MAP3K5: variants seen among roughly 807,000 people sequenced by gnomAD.
The protein encoded by MAP3K5 is mitogen-activated protein kinase kinase kinase 5.
In MAP3K5, 56 loss-of-function variants were observed where a neutral mutation model predicts 158.7. The observed-to-expected ratio is 0.35, with a 90% CI of 0.28 to 0.44. The LOEUF is 0.44. MAP3K5 is among the 20% of genes least tolerant of loss of function. The pLI, the probability that MAP3K5 is intolerant of heterozygous loss-of-function variation, is 1.00. For missense variants in MAP3K5, 1,294 were observed against 1,674.8 expected, an observed-to-expected ratio of 0.77 and a Z score of 3.97; for synonymous variants, 579 against 601.7, an observed-to-expected ratio of 0.96 and a Z score of 0.55.
At chr6:136,760,436 G>T (rs1783697945) in intron 1 of MAP3K5, among the ~76,000 whole-genome samples, 1 of 152,158 alleles carries the variant, frequency 6.6e-6, no homozygotes, top group Non-Finnish European at 1.5e-5. Context: ...GCTCTTACAT[G>T]AGGTATTATT....
intron 8 of MAP3K5, among the ~76,000 whole-genome samples, chr6:136,662,128 T>C (rs1420675708): frequency 2.0e-5 from 3 of 152,264 alleles, no homozygotes; most frequent in Admixed American, 2.0e-4. Context: ...AATACAGTTC[T>C]AAACGTGGAT....
At chr6:136,732,816 A>G (rs1782285873) in intron 1 of MAP3K5, among the ~76,000 whole-genome samples, 1 of 152,224 alleles carries the variant, frequency 6.6e-6, no homozygotes, top group African/African-American at 2.4e-5. Context: ...TTGAACTCTT[A>G]TCTGCCTACA....
At chr6:136,728,761 T>C (rs569535867) in intron 1 of MAP3K5, among the ~76,000 whole-genome samples, 23 of 152,338 alleles carry the variant, frequency 1.5e-4, no homozygotes, top group African/African-American at 5.1e-4. Flanking sequence ...ATTTTCTTAT[T>C]TGGTGACATT....
At chr6:136,568,857 C>CAAA (rs60185973) in intron 25 of MAP3K5, among the ~76,000 whole-genome samples, 7 of 45,908 alleles carry the variant, frequency 1.5e-4, no homozygotes, top group Admixed American at 4.9e-4. Context: ...GAGTCTGTCT[C>CAAA]AAAAAAAAAA....
chr6:136,758,458 G>A (rs1783602294), intron 1 of MAP3K5, among the ~76,000 whole-genome samples: 2 of 152,160 alleles, frequency 1.3e-5, no homozygotes, highest in Non-Finnish European at 2.9e-5. Context: ...ATTCTTCCAG[G>A]ACTTCAAATT....
chr6:136,568,785 G>A (rs1268836689), intron 25 of MAP3K5, among the ~76,000 whole-genome samples: 1 of 149,990 alleles, frequency 6.7e-6, no homozygotes, highest in Non-Finnish European at 1.5e-5. Context: ...TTGAACCCAG[G>A]AGGCAGAGGT....
At chr6:136,656,046 A>C in intron 10 of MAP3K5, 2 of 411,222 alleles carry the variant, frequency 4.9e-6, no homozygotes, top group Non-Finnish European at 9.0e-6. Context: ...TGCATTGCTT[A>C]GGAAGTACAC....
chr6:136,592,603 T>C lies in MAP3K5; in HGVS notation c.2890A>G (p.Ser964Gly). 1 of 1,613,468 alleles carries C rather than the reference T, an allele frequency of 6.2e-7. No homozygotes were observed. The highest frequency in any genetic ancestry group is 8.5e-7 in the Non-Finnish European group (1 of 1,179,564). ...LSAGSNEYLR[S>G]ISLPVPVLVE... ...AGCACAGGTACCGGCAAGGATATAC[T>C]CCTGAGATATTCTGCTTGTGATGAG... The change falls in exon 22 of 30, where the codon AGT becomes GGT. Residue 964 changes from serine (S) to glycine (G), a missense_variant. By Grantham distance (56) the Ser-to-Gly change is moderately conservative (BLOSUM62 0). Transcript: ENST00000359015.
intron 7 of MAP3K5, among the ~76,000 whole-genome samples, chr6:136,680,170 G>A (rs546831655): frequency 2.0e-5 from 3 of 152,174 alleles, no homozygotes; most frequent in South Asian, 4.1e-4. Context: ...TGGTGCCCAG[G>A]GCCGGCGGAA....
intron 5 of MAP3K5, among the ~76,000 whole-genome samples, chr6:136,696,796 G>T (rs186378895): frequency 2.0e-5 from 3 of 152,016 alleles, no homozygotes; most frequent in African/African-American, 7.3e-5. Flanking sequence ...TCCTTCAGGC[G>T]AGTTAGATTC....
At chr6:136,569,289 T>C (rs982048641) in intron 25 of MAP3K5, among the ~76,000 whole-genome samples, 3 of 152,224 alleles carry the variant, frequency 2.0e-5, no homozygotes, top group African/African-American at 7.2e-5. Context: ...GAGAATCCCC[T>C]TCCCTTTCCA....
intron 23 of MAP3K5, among the ~76,000 whole-genome samples, chr6:136,589,566 T>TA (rs1775292807): frequency 6.6e-6 from 1 of 152,126 alleles, no homozygotes. Context: ...TCCAAATTCG[T>TA]ATGTTGAAGC....
chr6:136,668,001 A>T (rs1224270301), intron 8 of MAP3K5, among the ~76,000 whole-genome samples: 4 of 152,294 alleles, frequency 2.6e-5, no homozygotes, highest in South Asian at 4.2e-4. Flanking sequence ...ATTCTCCAGA[A>T]CATTACATAA....
intron 13 of MAP3K5, among the ~76,000 whole-genome samples, chr6:136,638,509 T>C (rs540161719): frequency 2.4e-4 from 37 of 152,356 alleles, no homozygotes; most frequent in African/African-American, 8.7e-4. Flanking sequence ...CTAATAGGGT[T>C]TCTTTGAAGA....
chr6:136,761,164 G>C (rs1783735505), intron 1 of MAP3K5, among the ~76,000 whole-genome samples: 1 of 151,742 alleles, frequency 6.6e-6, no homozygotes, highest in East Asian at 1.9e-4. Flanking sequence ...CATTGCTGAT[G>C]TTTATATGCC....
rs1478911840 is a variant in MAP3K5, at chr6:136,700,583, T to C, written c.613-1901A>G. On this transcript the variant is annotated intron_variant, in intron 3 of 29. Coordinates refer to ENST00000359015, the MANE Select transcript of MAP3K5 (RefSeq NM_005923.4). ...AAGAATCTGAATTCTAGTTAAAATA[T>C]GAGAAGAACTTCAAAAGGTTGAGAT... Among the ~76,000 whole-genome samples, 3 of 152,188 alleles carry C rather than the reference T, an allele frequency of 2.0e-5. No individual in the cohort carries two copies. In the East Asian group the frequency reaches 5.8e-4, roughly 29 times the overall value.
intron 11 of MAP3K5, among the ~76,000 whole-genome samples, chr6:136,644,828 CTG>C (rs1262361468): frequency 6.6e-6 from 1 of 152,184 alleles, no homozygotes; most frequent in East Asian, 1.9e-4. Context: ...GGGATGCCGC[CTG>C]TGTGAGGTGC....
At chr6:136,681,764 C>T (rs1405389419) in intron 7 of MAP3K5, among the ~76,000 whole-genome samples, 1 of 152,026 alleles carries the variant, frequency 6.6e-6, no homozygotes, top group Non-Finnish European at 1.5e-5. Context: ...AAAATACAAA[C>T]AAAAATTAGC....
intron 2 of MAP3K5, among the ~76,000 whole-genome samples, chr6:136,715,891 G>C (rs1045478414): frequency 1.3e-5 from 2 of 151,580 alleles, no homozygotes; most frequent in African/African-American, 4.8e-5. Context: ...TCAGCTGGGC[G>C]TGGTGGCGGG....
Sources: allele counts gnomAD v4.1 joint callset (sites outside exome capture counted in the v4.1 genomes callset), GRCh38; gene constraint gnomAD v4.1.1; transcripts MANE v1.5; gene names NCBI Gene and HGNC (gene_info 2026-07-23, HGNC 2026-07-21).